Variants in RNF128 observed in about 807,000 individuals in gnomAD.
RNF128 encodes the protein ring finger protein 128, also known as E3 ubiquitin-protein ligase RNF128.
A neutral mutation model predicts 26.2 loss-of-function variants in RNF128; 13 were observed. The observed-to-expected ratio is 0.50, with a 90% CI of 0.32 to 0.79. The LOEUF (loss-of-function observed/expected upper bound fraction) is 0.79. Among genes scored for constraint, RNF128 ranks in the 30% least tolerant of loss-of-function variants. The pLI is 0.03. For synonymous variants in RNF128, 149 were observed against 142.5 expected (o/e 1.05, Z -0.32); for missense variants, 315 against 349.7 (o/e 0.90, Z 0.79).
At position 106,713,347 on chromosome X, in the gene RNF128, A is replaced by G. The variant is rs753179493; in HGVS notation, c.406+18939A>G. On this transcript the variant is annotated intron_variant, in intron 1 of 6. Transcript: ENST00000324342. The stretch of plus-strand genomic sequence containing the variant: ...AACAGGGCGAAACCCCGTCTCTACT[A>G]AAAATACAAAAATTAGTAGGGCTGG... Among the ~76,000 whole-genome samples the G allele has an allele frequency of 1.3e-4, 14 of 105,683 alleles. No individual in the cohort carries two copies. The East Asian group carries it at 4.1e-3, about 31-fold the overall frequency. The allele number at this position is 105,683 out of a possible 115,157, so 91.8% of individuals were successfully genotyped here.
Position 106,791,167 on chromosome X carries a change from A to G in RNF128, c.1086A>G (p.Ala362=). The G allele has an allele frequency of 8.3e-7, 1 of 1,210,139 alleles. No homozygotes were observed. The highest frequency in any genetic ancestry group is 1.1e-6 in the Non-Finnish European group (1 of 894,362). Residue 362 remains alanine, a synonymous_variant, in exon 6 of 7, where the codon GCA becomes GCG. Transcript: ENST00000255499. The part of the protein sequence containing the change: ...SHEEDNRSET[A]SSGYASVQGT... ...AAGAGGATAATCGCAGCGAGACCGC[A>G]TCATCTGGATATGCTTCAGTACAGG...
intron 1 of RNF128, among the ~76,000 whole-genome samples, chrX:106,750,307 T>C (rs998108093): frequency 2.7e-5 from 3 of 112,211 alleles, no homozygotes; most frequent in Non-Finnish European, 5.6e-5. Context: ...CTTTTACAGT[T>C]AAATAACAGC....
At position 106,737,289 on chromosome X, in the gene RNF128, T is replaced by C. The variant is rs769299667; in HGVS notation, c.484+9892T>C. ...GTGCACAATATGCAGGTTAGTTACA[T>C]ATGTATACATGTGCCATGCTGGTGT... is the stretch of plus-strand genomic sequence containing the variant. On this transcript the variant is annotated intron_variant, in intron 1 of 6. Coordinates refer to ENST00000255499, the MANE Select transcript of RNF128 (RefSeq NM_194463.2). Among the ~76,000 whole-genome samples, 4 of 110,563 alleles carry C rather than the reference T, an allele frequency of 3.6e-5. No individual in the cohort carries two copies. In the East Asian group the frequency reaches 1.1e-3, roughly 31 times the overall value.
At chrX:106,707,093 C>A (rs1929055156) in intron 1 of RNF128, among the ~76,000 whole-genome samples, 2 of 111,676 alleles carry the variant, frequency 1.8e-5, no homozygotes, top group Admixed American at 1.9e-4. Flanking sequence ...TTTATGTATT[C>A]TTATGTATTC....
In RNF128 at chrX:106,727,057, C is replaced by T. The variant is rs1262193436; in HGVS notation, c.144C>T (p.Asn48=). ...AAGCAGTGTGGACCGCGTACCTCAA[C>T]GTGTCCTGGCGGGTTCCGCACACGG... ...GAEAVWTAYL[N]VSWRVPHTGV... Residue 48 remains asparagine, a synonymous_variant, in exon 1 of 7, where the codon AAC becomes AAT. Transcript: ENST00000255499. 1.0e-5 allele frequency: 12 copies of T among 1,203,468 alleles called. No individual in the cohort carries two copies. The highest frequency in any genetic ancestry group is 1.3e-5 in the Non-Finnish European group (12 of 891,576).
intron 1 of RNF128, among the ~76,000 whole-genome samples, chrX:106,735,962 GTT>G (rs201049142): frequency 2.8e-5 from 3 of 106,271 alleles, no homozygotes; most frequent in Non-Finnish European, 5.9e-5. Flanking sequence ...TTGTATTTTT[GTT>G]TTTTTTTCCC....
intron 1 of RNF128, among the ~76,000 whole-genome samples, chrX:106,717,075 C>T (rs1049047685): frequency 9.1e-6 from 1 of 109,752 alleles, no homozygotes; most frequent in Non-Finnish European, 1.9e-5. Context: ...TGGTGGCGGG[C>T]GCCTGTAGTC....
chrX:106,741,945 G>GGAGGT (rs1929709050), intron 1 of RNF128, among the ~76,000 whole-genome samples: 1 of 111,786 alleles, frequency 8.9e-6, no homozygotes, highest in Admixed American at 9.6e-5. Context: ...TCTTATAAAA[G>GGAGGT]GAGGTTCAAT....
chrX:106,772,891 C>G, intron 1 of RNF128, 22 bp from the exon 2 acceptor site: 1 of 1,189,282 alleles, frequency 8.4e-7, no homozygotes, highest in Non-Finnish European at 1.1e-6. Flanking sequence ...CAAACTAAAA[C>G]TGAATTTGTT....
exon 1 of RNF128, chrX:106,694,389 G>A (rs142455205): frequency 5.2e-5 from 62 of 1,181,902 alleles, no homozygotes; most frequent in South Asian, 1.8e-4. Flanking sequence ...GCAATCAGAC[G>A]ATACAGATGG....
At chrX:106,726,678 C>T (rs970416536), upstream of RNF128, 3 of 1,010,805 alleles carry the variant, frequency 3.0e-6, no homozygotes, top group Admixed American at 5.0e-5. Context: ...CACGCTAAAG[C>T]CCCAGAGCCC....
At chrX:106,783,459 A>T (rs930143609) in intron 2 of RNF128, among the ~76,000 whole-genome samples, 1 of 111,532 alleles carries the variant, frequency 9.0e-6, no homozygotes, top group African/African-American at 3.3e-5. Flanking sequence ...TACTTACATT[A>T]TCTCTAATTT....
chrX:106,775,419 T>C (rs1930449063), intron 2 of RNF128, among the ~76,000 whole-genome samples: 1 of 111,977 alleles, frequency 8.9e-6, no homozygotes, highest in Admixed American at 9.5e-5. Context: ...TTACAGAGCT[T>C]CATTGGACAT....
At chrX:106,700,752 G>A (rs372229752) in intron 1 of RNF128, among the ~76,000 whole-genome samples, 2 of 111,102 alleles carry the variant, frequency 1.8e-5, no homozygotes, top group African/African-American at 6.5e-5. Flanking sequence ...GCATATATAC[G>A]TACAGAAAAC....
chrX:106,772,992 A>G lies in RNF128; in HGVS notation c.564A>G (p.Gln188=), dbSNP rs776434222. Reference sequence around the variant, plus strand: ...TGCAATCTATTCAAAGAGGCATACAAGTGACAATGGTCATAGAAGTAGGGA... The same window carrying G: ...TGCAATCTATTCAAAGAGGCATACAGGTGACAATGGTCATAGAAGTAGGGA... ...KILQSIQRGI[Q]VTMVIEVGKK... is the part of the protein sequence containing the mutation. Residue 188 remains glutamine, a synonymous_variant, in exon 2 of 7, where the codon CAA becomes CAG. Coordinates refer to ENST00000255499, the MANE Select transcript of RNF128 (RefSeq NM_194463.2). 1.7e-6 allele frequency: 2 copies of G among 1,209,729 alleles called. No individual in the cohort carries two copies. The highest frequency in any genetic ancestry group is 3.5e-5 in the African/African-American group (2 of 57,217).
intron 1 of RNF128, 26 bp from the exon 2 acceptor site, chrX:106,772,885 CTA>C (rs781657503): frequency 2.5e-6 from 3 of 1,186,225 alleles, no homozygotes; most frequent in African/African-American, 3.6e-5. Context: ...TTTCACCAAA[CTA>C]AAACTGAATT....
chrX:106,790,100 A>T, intron 4 of RNF128, 86 bp from the exon 5 acceptor site: 1 of 534,134 alleles, frequency 1.9e-6, no homozygotes. Context: ...AAGACTAAAT[A>T]AAGTTACACT....
intron 1 of RNF128, among the ~76,000 whole-genome samples, chrX:106,720,642 T>C (rs1168815739): frequency 1.8e-5 from 2 of 111,172 alleles, no homozygotes; most frequent in African/African-American, 6.6e-5. Flanking sequence ...TCTCCCTATG[T>C]ATGTGTAGAG....
intron 5 of RNF128, 118 bp from the exon 6 acceptor site, chrX:106,790,948 G>T: frequency 1.6e-6 from 1 of 629,514 alleles, no homozygotes; most frequent in East Asian, 3.3e-5. Context: ...GGGATCATAG[G>T]TTTAAAAGGT....
Sources: gnomAD v4.1 joint callset for allele counts (sites outside exome capture counted in the v4.1 genomes callset) on GRCh38, gnomAD v4.1.1 for gene constraint, MANE v1.5 for transcripts, NCBI Gene and HGNC (gene_info 2026-07-23, HGNC 2026-07-21) for gene names.